SWT1: variants seen among roughly 807,000 people sequenced by gnomAD.
The protein encoded by SWT1 is SWT1 RNA endoribonuclease homolog.
In SWT1, 33 loss-of-function variants were observed where a neutral mutation model predicts 107.3. The observed-to-expected ratio is 0.31, with a 90% CI of 0.23 to 0.41. The LOEUF is 0.41. Ranked by LOEUF, SWT1 falls within the 10% of genes least tolerant of loss-of-function variation. The pLI is 1.00. For missense variants in SWT1, 898 were observed against 1,028.9 expected (o/e 0.87, Z 1.74); for synonymous variants, 345 against 348.3 (o/e 0.99, Z 0.11).
intron 16 of SWT1, among the ~76,000 whole-genome samples, chr1:185,262,835 G>A (rs554457292): frequency 3.7e-4 from 56 of 150,180 alleles, no homozygotes; most frequent in Admixed American, 1.3e-3. Flanking sequence ...TGCCCAGGCT[G>A]GAGTGCAGTG....
intron 10 of SWT1, among the ~76,000 whole-genome samples, chr1:185,195,293 C>T (rs1009673962): frequency 6.6e-6 from 1 of 152,170 alleles, no homozygotes; most frequent in African/African-American, 2.4e-5. Flanking sequence ...ATGATGGCTT[C>T]CAGTGTCATC....
At chr1:185,181,877 A>T in intron 6 of SWT1, 69 bp from the exon 7 acceptor site, 1 of 1,544,538 alleles carries the variant, frequency 6.5e-7, no homozygotes, top group Non-Finnish European at 8.9e-7. Flanking sequence ...ATTAAGAATT[A>T]ATTGCTTTCC....
chr1:185,197,417 A>G (rs1657488294), intron 10 of SWT1, among the ~76,000 whole-genome samples: 1 of 152,046 alleles, frequency 6.6e-6, no homozygotes. Context: ...TATTTGTCTG[A>G]AATTTTCTTT....
chr1:185,177,592 A>C (rs1655674707), intron 5 of SWT1, among the ~76,000 whole-genome samples: 1 of 152,240 alleles, frequency 6.6e-6, no homozygotes, highest in African/African-American at 2.4e-5. Flanking sequence ...GCAGATAATC[A>C]TCTTAATACC....
chr1:185,194,278 T>C (rs1657204383), intron 10 of SWT1, among the ~76,000 whole-genome samples: 1 of 152,202 alleles, frequency 6.6e-6, no homozygotes, highest in Non-Finnish European at 1.5e-5. Context: ...ACCATACACA[T>C]TTAATTTGTT....
At position 185,189,402 on chromosome 1, in the gene SWT1, C is replaced by T. The variant is rs1656754581; in HGVS notation, c.1430-1147C>T. Among the ~76,000 whole-genome samples the T allele has an allele frequency of 2.0e-5, 3 of 152,264 alleles. No individual in the cohort carries two copies. In the South Asian group the frequency reaches 6.2e-4, roughly 32 times the overall value. On this transcript the variant is annotated intron_variant, in intron 9 of 18. Coordinates refer to ENST00000367500, the MANE Select transcript of SWT1 (RefSeq NM_017673.7). ...TAGGAATTACTTCTTGTGTTACCTT[C>T]CTAGGGCCCATATTTCTTTCTCCTG... is the stretch of plus-strand genomic sequence containing the variant.
At chr1:185,280,167 C>T (rs1250424686) in intron 18 of SWT1, among the ~76,000 whole-genome samples, 1 of 152,090 alleles carries the variant, frequency 6.6e-6, no homozygotes, top group Non-Finnish European at 1.5e-5. Context: ...TCATTGAAAT[C>T]TGATGGTTTT....
chr1:185,256,336 A>C (rs1340676777), intron 16 of SWT1, among the ~76,000 whole-genome samples: 191 of 149,096 alleles, frequency 1.3e-3, no homozygotes, highest in African/African-American at 4.6e-3. Context: ...CTGCCTTGCT[A>C]GATTGGGGAA....
intron 16 of SWT1, among the ~76,000 whole-genome samples, chr1:185,260,017 G>A (rs1233133187): frequency 1.3e-5 from 2 of 152,170 alleles, no homozygotes; most frequent in African/African-American, 4.8e-5. Flanking sequence ...AGAGTCATGG[G>A]TGAGTACTTT....
intron 1 of SWT1, 22 bp from the exon 2 acceptor site, chr1:185,160,811 A>G (rs780761163): frequency 1.1e-5 from 17 of 1,556,716 alleles, no homozygotes; most frequent in Middle Eastern, 3.4e-4. Context: ...AACAAATCCT[A>G]TATTTTTAAT....
intron 4 of SWT1, among the ~76,000 whole-genome samples, chr1:185,172,154 A>G (rs1189069154): frequency 6.6e-6 from 1 of 152,214 alleles, no homozygotes; most frequent in Non-Finnish European, 1.5e-5. Flanking sequence ...ATTTACTGAT[A>G]TAAATTAATA....
intron 16 of SWT1, among the ~76,000 whole-genome samples, chr1:185,269,077 C>T (rs1261602083): frequency 2.0e-5 from 3 of 152,094 alleles, no homozygotes; most frequent in Non-Finnish European, 2.9e-5. Context: ...TGGTCTCGAT[C>T]TCCTGACCTC....
rs530132073 is a variant in SWT1, at chr1:185,280,560, G to C, written c.2573+3892G>C. Among the ~76,000 whole-genome samples the C allele has an allele frequency of 2.3e-3, 344 of 152,204 alleles. 2 individuals carry two copies. Among genetic ancestry groups the C allele is most frequent in the African/African-American group, 8.0e-3 (332 of 41,524 alleles). ...GCTCTAATGAGGCAACTCTTGGTGG[G>C]CTCCTGGATGGGGGCTGGTCACCAG... is the stretch of plus-strand genomic sequence containing the variant. On this transcript the variant is annotated intron_variant, in intron 18 of 18. Coordinates refer to ENST00000367500, the MANE Select transcript of SWT1 (RefSeq NM_017673.7).
intron 4 of SWT1, among the ~76,000 whole-genome samples, chr1:185,174,047 C>T (rs779414146): frequency 6.6e-6 from 1 of 152,072 alleles, no homozygotes; most frequent in Non-Finnish European, 1.5e-5. Flanking sequence ...CACATACGTT[C>T]TGTTTTTCCT....
At chr1:185,250,084 C>T (rs1331049374) in intron 16 of SWT1, among the ~76,000 whole-genome samples, 2 of 152,156 alleles carry the variant, frequency 1.3e-5, no homozygotes, top group Admixed American at 6.5e-5. Context: ...ACCCTCTCAC[C>T]TTGGGCTCCC....
intron 10 of SWT1, among the ~76,000 whole-genome samples, chr1:185,196,942 A>C (rs1433444558): frequency 6.6e-6 from 1 of 152,000 alleles, no homozygotes; most frequent in Non-Finnish European, 1.5e-5. Context: ...AGTACCCTTT[A>C]TTTCTTTCTG....
chr1:185,204,677 G>C, intron 11 of SWT1, 23 bp from the exon 12 acceptor site: 1 of 1,461,960 alleles, frequency 6.8e-7, no homozygotes, highest in Non-Finnish European at 9.3e-7. Context: ...TCTAAATAAA[G>C]TCTGTAACTA....
At chr1:185,256,223 T>G (rs1401853863) in intron 16 of SWT1, among the ~76,000 whole-genome samples, 1 of 151,918 alleles carries the variant, frequency 6.6e-6, no homozygotes, top group East Asian at 2.0e-4. Flanking sequence ...ATTTTTTCCT[T>G]CATTTCAAGT....
At chr1:185,227,136 T>G in intron 15 of SWT1, 1 of 1,227,330 alleles carries the variant, frequency 8.1e-7, no homozygotes, top group Non-Finnish European at 1.2e-6. Flanking sequence ...ATTAAATTCC[T>G]TGCTTTCAGA....
Sources: gnomAD v4.1 joint callset for allele counts (sites outside exome capture counted in the v4.1 genomes callset) on GRCh38, gnomAD v4.1.1 for gene constraint, MANE v1.5 for transcripts, NCBI Gene and HGNC (gene_info 2026-07-23, HGNC 2026-07-21) for gene names.